Variants in NFIA observed in about 807,000 individuals in gnomAD.
NFIA encodes the protein nuclear factor 1 A-type.
Under a neutral mutation model 62.8 loss-of-function variants are expected in NFIA, and 8 were observed. That is an observed-to-expected ratio of 0.13 (90% CI 0.07 to 0.23). The LOEUF (loss-of-function observed/expected upper bound fraction) is 0.23. NFIA is among the 10% of genes least tolerant of loss of function. The pLI is 1.00. For synonymous variants in NFIA, 235 were observed against 238.1 expected, an observed-to-expected ratio of 0.99 and a Z score of 0.12; for missense variants, 410 against 642.1, an observed-to-expected ratio of 0.64 and a Z score of 3.91.
chr1:61,334,058 A>G (rs1367972834), intron 4 of NFIA, among the ~76,000 whole-genome samples: 1 of 152,198 alleles, frequency 6.6e-6, no homozygotes, highest in Non-Finnish European at 1.5e-5. Flanking sequence ...AAGTCTCTAT[A>G]ATGCCAGTAT....
chr1:61,410,704 C>T (rs552841560), intron 9 of NFIA, among the ~76,000 whole-genome samples: 1 of 152,126 alleles, frequency 6.6e-6, no homozygotes, highest in East Asian at 1.9e-4. Flanking sequence ...CTCAGGAGTT[C>T]GAGACCAGCC....
chr1:61,308,240 TG>T (rs1659906087), intron 3 of NFIA, among the ~76,000 whole-genome samples: 3 of 152,156 alleles, frequency 2.0e-5, no homozygotes, highest in Non-Finnish European at 1.5e-5. Context: ...TTTCTAGTAA[TG>T]GTAGAAAGCA....
chr1:61,460,507 G>C lies in NFIA; in HGVS notation c.*5187G>C, dbSNP rs987754577. 1 of 152,204 alleles carries C rather than the reference G, an allele frequency of 6.6e-6. No individual in the cohort carries two copies. Among genetic ancestry groups the C allele is most frequent in the Non-Finnish European group, 1.5e-5 (1 of 68,036 alleles). 9.4% of individuals were successfully genotyped at this position (152,204 alleles called of 1,614,324 possible). On this transcript the variant is annotated 3_prime_UTR_variant, in exon 11 of 11. Coordinates refer to ENST00000403491, the MANE Select transcript of NFIA (RefSeq NM_001134673.4). ...TCCAACAGTGTAAATGCATAGCAGT[G>C]TTTATCTGCATGAGAACTATGCACT...
intron 2 of NFIA, among the ~76,000 whole-genome samples, chr1:61,243,263 T>A (rs1655451605): frequency 6.6e-6 from 1 of 152,134 alleles, no homozygotes; most frequent in Admixed American, 6.5e-5. Flanking sequence ...CATTTAGAGG[T>A]TAGCAGGGCA....
intron 5 of NFIA, among the ~76,000 whole-genome samples, chr1:61,356,312 A>T (rs1662951834): frequency 6.6e-6 from 1 of 152,212 alleles, no homozygotes; most frequent in African/African-American, 2.4e-5. Flanking sequence ...CTTCAGGGAA[A>T]TGTTTATTTT....
intron 6 of NFIA, among the ~76,000 whole-genome samples, chr1:61,372,589 G>A (rs80075291): frequency 6.7e-6 from 1 of 148,258 alleles, no homozygotes; most frequent in Non-Finnish European, 1.5e-5. Flanking sequence ...AAAAAAAAAA[G>A]CAAACTATTT....
chr1:61,269,218 T>A lies in NFIA; in HGVS notation c.560-8302T>A, dbSNP rs796485911. ...TGTTCAACTCTTCACGTATAGAATT[T>A]AAAAAAAAAAAAAAGAATTGGTTAT... On this transcript the variant is annotated intron_variant, in intron 2 of 10. Coordinates refer to ENST00000403491, the MANE Select transcript of NFIA (RefSeq NM_001134673.4). 3.8e-4 allele frequency among the ~76,000 whole-genome samples: 53 copies of A among 138,310 alleles called. 1 individual carries two copies. The highest frequency in any genetic ancestry group is 3.7e-3 in the South Asian group (16 of 4,322). 90.7% of individuals were successfully genotyped at this position (138,310 alleles called of 152,430 possible).
At chr1:61,197,905 C>T (rs1262455521) in intron 2 of NFIA, among the ~76,000 whole-genome samples, 2 of 151,888 alleles carry the variant, frequency 1.3e-5, no homozygotes, top group South Asian at 2.1e-4. Flanking sequence ...CGCTTGAACC[C>T]GAGAGGCGGA....
intron 5 of NFIA, among the ~76,000 whole-genome samples, chr1:61,356,910 C>G (rs1662984681): frequency 6.6e-6 from 1 of 152,208 alleles, no homozygotes; most frequent in African/African-American, 2.4e-5. Flanking sequence ...AATAGCTTAA[C>G]TGTCTCCCTG....
intron 2 of NFIA, among the ~76,000 whole-genome samples, chr1:61,192,592 A>G (rs940539365): frequency 1.3e-5 from 2 of 151,758 alleles, no homozygotes; most frequent in Middle Eastern, 3.2e-3. Flanking sequence ...AATCCCAGCT[A>G]CTCAGGAGAC....
chr1:61,229,780 A>G (rs17121841), intron 2 of NFIA, among the ~76,000 whole-genome samples: 9,719 of 152,286 alleles, frequency 0.064, 357 homozygotes, highest in Non-Finnish European at 0.071. Flanking sequence ...ATCATGTGGA[A>G]CAAAAAGAAT....
At chr1:61,257,919 G>A (rs1463513621) in intron 2 of NFIA, among the ~76,000 whole-genome samples, 1 of 123,094 alleles carries the variant, frequency 8.1e-6, no homozygotes, top group East Asian at 2.5e-4. Context: ...GTTTTGCTAA[G>A]TTTCCCAGGC....
intron 3 of NFIA, among the ~76,000 whole-genome samples, chr1:61,293,088 G>A (rs558619579): frequency 6.6e-6 from 1 of 152,108 alleles, no homozygotes; most frequent in East Asian, 1.9e-4. Context: ...CATACTAACC[G>A]CATCACATTG....
At chr1:61,376,639 T>A (rs990000761) in intron 6 of NFIA, among the ~76,000 whole-genome samples, 7 of 152,180 alleles carry the variant, frequency 4.6e-5, no homozygotes, top group Non-Finnish European at 1.0e-4. Context: ...GTATCTGATA[T>A]ACCCTTCCTT....
chr1:61,317,287 G>A (rs1325914028), intron 3 of NFIA, among the ~76,000 whole-genome samples: 2 of 151,956 alleles, frequency 1.3e-5, no homozygotes, highest in East Asian at 1.9e-4. Flanking sequence ...TTGACCTAAC[G>A]TCCATTTCTA....
intron 3 of NFIA, among the ~76,000 whole-genome samples, chr1:61,331,019 A>G (rs2100390037): frequency 6.6e-6 from 1 of 152,166 alleles, no homozygotes; most frequent in Admixed American, 6.5e-5. Flanking sequence ...TAATTTTTTA[A>G]CTTCTCAGTT....
intron 9 of NFIA, 72 bp downstream of exon 9, chr1:61,406,799 T>A: frequency 6.9e-7 from 1 of 1,450,014 alleles, no homozygotes; most frequent in South Asian, 1.5e-5. Context: ...TTAGGCTTTG[T>A]CCCTCACTGT....
At chr1:61,122,045 C>T (rs1012580249) in intron 2 of NFIA, among the ~76,000 whole-genome samples, 1 of 152,272 alleles carries the variant, frequency 6.6e-6, no homozygotes, top group Non-Finnish European at 1.5e-5. Context: ...TTTCATTTAA[C>T]GCACATTTTA....
chr1:61,188,391 A>G (rs1421021360), intron 2 of NFIA, among the ~76,000 whole-genome samples: 4 of 152,168 alleles, frequency 2.6e-5, no homozygotes, highest in African/African-American at 4.8e-5. Flanking sequence ...ATGGGCTGCA[A>G]AGAAAGAGGT....
Sources: allele counts gnomAD v4.1 joint callset (sites outside exome capture counted in the v4.1 genomes callset), GRCh38; gene constraint gnomAD v4.1.1; transcripts MANE v1.5; gene names NCBI Gene and HGNC (gene_info 2026-07-23, HGNC 2026-07-21).